The following RBPMS variants were observed in gnomAD, a reference collection of about 807,000 sequenced individuals.
RBPMS encodes RNA-binding protein with multiple splicing.
A neutral mutation model predicts 26.8 loss-of-function variants in RBPMS; 7 were observed. The observed-to-expected ratio is 0.26, with a 90% CI of 0.15 to 0.49. The LOEUF (loss-of-function observed/expected upper bound fraction) is 0.49, where lower values mean the gene tolerates loss of function less well. RBPMS is among the 20% of genes least tolerant of loss of function. The pLI is 0.98. For missense variants in RBPMS, 186 were observed against 250.0 expected, an observed-to-expected ratio of 0.74 and a Z score of 1.73; for synonymous variants, 96 against 93.3, an observed-to-expected ratio of 1.03 and a Z score of -0.17.
At chr8:30,523,622 A>G (rs1209441140) in intron 5 of RBPMS, among the ~76,000 whole-genome samples, 1 of 151,258 alleles carries the variant, frequency 6.6e-6, no homozygotes, top group African/African-American at 2.4e-5. Flanking sequence ...GAATTCCTCA[A>G]AATTGTAACT....
At chr8:30,523,793 T>C (rs1417468524) in intron 5 of RBPMS, among the ~76,000 whole-genome samples, 1 of 152,090 alleles carries the variant, frequency 6.6e-6, no homozygotes, top group African/African-American at 2.4e-5. Context: ...AATAACCAAG[T>C]GGCTAGACAA....
rs371108001 is a variant in RBPMS at position 30,425,702 on chromosome 8, G to A, written c.66+40544G>A. On this transcript the variant is annotated intron_variant, in intron 1 of 8. Transcript: ENST00000397323. ...GGCATGAGCCACCGAGCCCGGCCCG[G>A]TGGCTTTTTTTCTTAAAGGGTTTTG... Among the ~76,000 whole-genome samples, 3 of 152,006 alleles carry A rather than the reference G, an allele frequency of 2.0e-5. No homozygotes were observed. The East Asian group carries it at 5.8e-4, about 29-fold the overall frequency.
chr8:30,561,868 G>T, intron 7 of RBPMS: 1 of 985,142 alleles, frequency 1.0e-6, no homozygotes. Flanking sequence ...AAGCAGTTGC[G>T]TGGGTTCCAG....
chr8:30,549,831 CTT>C lies in RBPMS; in HGVS notation c.528+5209_528+5210del, dbSNP rs1363394847. Among the ~76,000 whole-genome samples, 311 of 117,718 alleles carry C rather than the reference CTT, an allele frequency of 2.6e-3. 1 individual carries two copies. Among genetic ancestry groups the C allele is most frequent in the African/African-American group, 9.5e-3 (282 of 29,786 alleles). 77.2% of individuals were successfully genotyped at this position (117,718 alleles called of 152,430 possible). A position where few individuals can be genotyped will look rare whatever the true frequency, so the allele number is the denominator to read the frequency against. On this transcript the variant is annotated intron_variant, in intron 6 of 8. Coordinates refer to ENST00000397323, the MANE Select transcript of RBPMS (RefSeq NM_001008710.3). ...CTCTCTCTCTCTCTCTCTCTCTTTT[CTT>C]TCTTTTCTTTCTTTTCTTTCTTCTT...
At chr8:30,541,180 C>G (rs1270266947) in intron 5 of RBPMS, among the ~76,000 whole-genome samples, 1 of 152,152 alleles carries the variant, frequency 6.6e-6, no homozygotes, top group Non-Finnish European at 1.5e-5. Context: ...ATCTCTCTTT[C>G]AATGTGACCG....
chr8:30,409,444 C>A (rs532690169), intron 1 of RBPMS, among the ~76,000 whole-genome samples: 1 of 152,104 alleles, frequency 6.6e-6, no homozygotes, highest in African/African-American at 2.4e-5. Context: ...CTGCCTGCCT[C>A]GGCCTCCCAA....
At chr8:30,457,710 T>C (rs1348191244) in intron 1 of RBPMS, among the ~76,000 whole-genome samples, 1 of 151,260 alleles carries the variant, frequency 6.6e-6, no homozygotes, top group Non-Finnish European at 1.5e-5. Context: ...CTTAGCCTCC[T>C]GAGTAGCTGG....
intron 1 of RBPMS, among the ~76,000 whole-genome samples, chr8:30,439,884 T>TA (rs953069597): frequency 1.1e-4 from 17 of 151,468 alleles, no homozygotes; most frequent in African/African-American, 2.4e-4. Flanking sequence ...TTTTTATAAT[T>TA]AAAAAAAAAT....
intron 4 of RBPMS, among the ~76,000 whole-genome samples, 180 bp downstream of exon 4, chr8:30,479,557 A>G (rs1394953121): frequency 1.3e-5 from 2 of 152,222 alleles, no homozygotes; most frequent in South Asian, 4.1e-4. Flanking sequence ...AGATATGCAG[A>G]TTATTAAATA....
intron 1 of RBPMS, among the ~76,000 whole-genome samples, chr8:30,459,487 G>A (rs1427732197): frequency 1.3e-5 from 2 of 152,104 alleles, no homozygotes; most frequent in Non-Finnish European, 2.9e-5. Flanking sequence ...TAAATATGTG[G>A]TGAAAAGTGG....
chr8:30,512,187 A>G (rs936812468), intron 5 of RBPMS, among the ~76,000 whole-genome samples: 3 of 152,034 alleles, frequency 2.0e-5, no homozygotes, highest in African/African-American at 7.2e-5. Context: ...GTACAAGCAC[A>G]TACCATACCA....
chr8:30,491,452 A>T (rs559362052), intron 4 of RBPMS, among the ~76,000 whole-genome samples: 24 of 152,132 alleles, frequency 1.6e-4, no homozygotes, highest in Non-Finnish European at 3.4e-4. Flanking sequence ...GGGCACACAC[A>T]GGGTGGGAGG....
intron 6 of RBPMS, chr8:30,549,496 G>A: frequency 6.2e-7 from 1 of 1,610,346 alleles, no homozygotes; most frequent in Non-Finnish European, 8.5e-7. Context: ...CTCTCAACCT[G>A]CAGCTCTGTG....
At chr8:30,485,162 G>T (rs1164506087) in intron 4 of RBPMS, among the ~76,000 whole-genome samples, 1 of 152,208 alleles carries the variant, frequency 6.6e-6, no homozygotes, top group Non-Finnish European at 1.5e-5. Context: ...TGGTTAGACA[G>T]TCTCTGTTTC....
rs570609747 is a variant in RBPMS at position 30,522,272 on chromosome 8, T to TA, written c.397+17852dup. On this transcript the variant is annotated intron_variant, in intron 5 of 8. Coordinates refer to ENST00000397323, the MANE Select transcript of RBPMS (RefSeq NM_001008710.3). ...AACATAGTGAGACCCCATCTCTATT[T>TA]AAAAAAAAAAAAAAAATCCAGCCTG... is the stretch of plus-strand genomic sequence containing the variant. 3.7e-3 allele frequency among the ~76,000 whole-genome samples: 506 copies of TA among 136,222 alleles called. 5 individuals are homozygous for TA. The highest frequency in any genetic ancestry group is 0.015 in the East Asian group (69 of 4,750). The allele number at this position is 136,222 out of a possible 152,430, so 89.4% of individuals were successfully genotyped here. A position where few individuals can be genotyped will look rare whatever the true frequency, so the allele number is the denominator to read the frequency against.
At chr8:30,532,329 G>A (rs1035272216) in intron 5 of RBPMS, among the ~76,000 whole-genome samples, 14 of 152,092 alleles carry the variant, frequency 9.2e-5, no homozygotes, top group Admixed American at 5.9e-4. Context: ...TACTGAGGAT[G>A]GATTTCCTAT....
Position 30,395,461 on chromosome 8 carries a change from C to CAAAAAAA in RBPMS, c.66+10324_66+10330dup, listed in dbSNP as rs55914538. On this transcript the variant is annotated intron_variant, in intron 1 of 8. Transcript: ENST00000397323. ...GCCTGGACAGAGTGAGACTCTGTCT[C>CAAAAAAA]AAAAAAAAAAAAAAAAAAAAAAAAA... 5.5e-4 allele frequency among the ~76,000 whole-genome samples: 24 copies of CAAAAAAA among 43,798 alleles called. 2 individuals carry two copies. The highest frequency in any genetic ancestry group is 3.4e-3 in the African/African-American group (19 of 5,642). 28.7% of individuals were successfully genotyped at this position (43,798 alleles called of 152,430 possible).
intron 4 of RBPMS, among the ~76,000 whole-genome samples, chr8:30,491,195 A>G (rs1402138586): frequency 3.3e-5 from 5 of 152,224 alleles, no homozygotes; most frequent in Non-Finnish European, 7.3e-5. Flanking sequence ...GTATTGGTAT[A>G]AATGGCTCAT....
intron 1 of RBPMS, among the ~76,000 whole-genome samples, chr8:30,462,944 A>G (rs1816093529): frequency 6.6e-6 from 1 of 152,110 alleles, no homozygotes; most frequent in Non-Finnish European, 1.5e-5. Context: ...TTTGAGTCAT[A>G]CTATTGGGGT....
Sources: gnomAD v4.1 joint callset for allele counts (sites outside exome capture counted in the v4.1 genomes callset) on GRCh38, gnomAD v4.1.1 for gene constraint, MANE v1.5 for transcripts, NCBI Gene and HGNC (gene_info 2026-07-23, HGNC 2026-07-21) for gene names.